FTO: variants seen among roughly 807,000 people sequenced by gnomAD.
FTO encodes alpha-ketoglutarate-dependent dioxygenase FTO.
In FTO, 47 loss-of-function variants were observed where a neutral mutation model predicts 63.9. The observed-to-expected ratio is 0.74, with a 90% CI of 0.58 to 0.94. The LOEUF (loss-of-function observed/expected upper bound fraction) is 0.94, where lower values mean the gene tolerates loss of function less well. Among genes scored for constraint, FTO ranks in the 40% least tolerant of loss-of-function variants. The pLI, the probability that FTO is intolerant of heterozygous loss-of-function variation, is 0.00. For synonymous variants in FTO, 207 were observed against 224.4 expected (o/e 0.92, Z 0.69); for missense variants, 562 against 618.1 (o/e 0.91, Z 0.96).
At chr16:53,856,367 T>G (rs1400525390) in intron 4 of FTO, among the ~76,000 whole-genome samples, 6 of 138,930 alleles carry the variant, frequency 4.3e-5, no homozygotes, top group South Asian at 2.3e-4. Flanking sequence ...TTTTTTTTTT[T>G]TGGGGGGGGA....
chr16:53,716,053 T>G (rs896501304), intron 1 of FTO, among the ~76,000 whole-genome samples: 1 of 152,206 alleles, frequency 6.6e-6, no homozygotes, highest in African/African-American at 2.4e-5. Flanking sequence ...CTACTGTGAA[T>G]GTGTACTTCT....
intron 1 of FTO, among the ~76,000 whole-genome samples, chr16:53,728,349 CT>C (rs1169335797): frequency 1.3e-5 from 2 of 152,160 alleles, no homozygotes; most frequent in Non-Finnish European, 2.9e-5. Context: ...CTGATTCTTG[CT>C]TATGACATCA....
intron 4 of FTO, among the ~76,000 whole-genome samples, chr16:53,857,777 G>C (rs2080050947): frequency 6.6e-6 from 1 of 152,094 alleles, no homozygotes; most frequent in Non-Finnish European, 1.5e-5. Context: ...TTATTTCTGT[G>C]CTCCATCCAG....
rs35760809 is a variant in FTO, at chr16:54,038,350, CAG to C, written c.1365-73405_1365-73404del. Among the ~76,000 whole-genome samples, 100 of 152,262 alleles carry C rather than the reference CAG, an allele frequency of 6.6e-4. 1 individual carries two copies. In the East Asian group the frequency reaches 0.012, roughly 19 times the overall value. On this transcript the variant is annotated intron_variant, in intron 8 of 8. Transcript: ENST00000471389. ...TTAGAGGTGGAACTTGGCTAAAGTA[CAG>C]AGAGAGGACTCTCAGTGAAGTTCCT...
At chr16:53,867,688 G>A (rs911050012) in intron 4 of FTO, among the ~76,000 whole-genome samples, 1 of 152,110 alleles carries the variant, frequency 6.6e-6, no homozygotes, top group African/African-American at 2.4e-5. Context: ...GAATGAAATA[G>A]TCTATGTATG....
intron 8 of FTO, among the ~76,000 whole-genome samples, chr16:54,036,347 C>T (rs770063447): frequency 1.8e-4 from 28 of 152,124 alleles, no homozygotes; most frequent in African/African-American, 6.0e-4. Context: ...GTGTTCATTA[C>T]GGCTGGATTG....
At chr16:53,915,133 T>C (rs1354382190) in intron 7 of FTO, among the ~76,000 whole-genome samples, 1 of 152,180 alleles carries the variant, frequency 6.6e-6, no homozygotes, top group Non-Finnish European at 1.5e-5. Context: ...ATGGGCAGAA[T>C]TTTGGGGGAC....
rs2086902858 is a variant in FTO, at chr16:54,112,018, A to T, written c.*103A>T. 4 of 1,268,478 alleles carry T rather than the reference A, an allele frequency of 3.2e-6. No homozygotes were observed. The East Asian group carries it at 9.3e-5, about 29-fold the overall frequency. The allele number at this position is 1,268,478 out of a possible 1,614,324, so 78.6% of individuals were successfully genotyped here. On this transcript the variant is annotated 3_prime_UTR_variant, in exon 9 of 9. Coordinates refer to ENST00000471389, the MANE Select transcript of FTO (RefSeq NM_001080432.3). The stretch of plus-strand genomic sequence containing the variant: ...GCAGTGGAGACTTCTCTTGGCCCCT[A>T]GATTGTAGCACCCGGGTCCCAATCC...
chr16:53,752,985 A>G (rs1035084403), intron 1 of FTO, among the ~76,000 whole-genome samples: 1 of 151,200 alleles, frequency 6.6e-6, no homozygotes, highest in Non-Finnish European at 1.5e-5. Flanking sequence ...TAGGGATAGG[A>G]ATAGGTGGCT....
intron 1 of FTO, among the ~76,000 whole-genome samples, chr16:53,779,458 T>C (rs2077535996): frequency 6.6e-6 from 1 of 152,204 alleles, no homozygotes; most frequent in East Asian, 1.9e-4. Flanking sequence ...CAGAAACTGT[T>C]TTAATTTAAC....
At chr16:53,897,691 T>C (rs1330697964) in intron 7 of FTO, among the ~76,000 whole-genome samples, 1 of 152,180 alleles carries the variant, frequency 6.6e-6, no homozygotes, top group Non-Finnish European at 1.5e-5. Context: ...AATACATTAA[T>C]ATGTTCTTGA....
Position 54,107,133 on chromosome 16 carries a change from A to G in FTO, c.1365-4629A>G, listed in dbSNP as rs541811422. On this transcript the variant is annotated intron_variant, in intron 8 of 8. Coordinates refer to ENST00000471389, the MANE Select transcript of FTO (RefSeq NM_001080432.3). Reference sequence around the variant, plus strand: ...GTATACATATAAAGCATATGTTTACAATATTTTATGTGTATATACATATTA... The same window carrying G: ...GTATACATATAAAGCATATGTTTACGATATTTTATGTGTATATACATATTA... Among the ~76,000 whole-genome samples, 14 of 150,446 alleles carry G rather than the reference A, an allele frequency of 9.3e-5. No individual in the cohort carries two copies. The East Asian group carries it at 2.7e-3, about 29-fold the overall frequency.
intron 8 of FTO, among the ~76,000 whole-genome samples, chr16:53,948,182 C>T (rs766172955): frequency 2.0e-5 from 3 of 152,154 alleles, no homozygotes; most frequent in Non-Finnish European, 4.4e-5. Flanking sequence ...GATCATTACA[C>T]TGCGGCTGTA....
intron 8 of FTO, among the ~76,000 whole-genome samples, chr16:54,028,735 AATTAT>A (rs1252796820): frequency 1.3e-5 from 2 of 152,086 alleles, no homozygotes; most frequent in Non-Finnish European, 2.9e-5. Context: ...CAGTATTTAA[AATTAT>A]ATTAAATTTT....
At chr16:53,707,970 A>G (rs968400249) in intron 1 of FTO, among the ~76,000 whole-genome samples, 1 of 152,190 alleles carries the variant, frequency 6.6e-6, no homozygotes. Flanking sequence ...GACTCATACA[A>G]TATGTGGTCT....
intron 7 of FTO, among the ~76,000 whole-genome samples, chr16:53,905,026 C>G (rs1292874147): frequency 6.6e-6 from 1 of 151,968 alleles, no homozygotes; most frequent in Admixed American, 6.6e-5. Context: ...AAGACAAGGA[C>G]GAAAAGAGAT....
intron 7 of FTO, among the ~76,000 whole-genome samples, chr16:53,904,002 GTTTA>G (rs928455650): frequency 1.9e-4 from 28 of 151,346 alleles, no homozygotes; most frequent in South Asian, 2.1e-4. Flanking sequence ...ATATAGATTA[GTTTA>G]TTTACATATA....
chr16:53,897,389 C>T (rs552821135), intron 7 of FTO, among the ~76,000 whole-genome samples: 2 of 152,204 alleles, frequency 1.3e-5, no homozygotes, highest in East Asian at 1.9e-4. Flanking sequence ...CTGGAGTCTT[C>T]GGGCACTATT....
At chr16:54,065,814 C>G (rs2085714554) in intron 8 of FTO, among the ~76,000 whole-genome samples, 2 of 152,224 alleles carry the variant, frequency 1.3e-5, no homozygotes, top group Non-Finnish European at 1.5e-5. Flanking sequence ...CCCATCAACA[C>G]TTGGTATTAC....
Sources: allele counts gnomAD v4.1 joint callset (sites outside exome capture counted in the v4.1 genomes callset), GRCh38; gene constraint gnomAD v4.1.1; transcripts MANE v1.5; gene names NCBI Gene and HGNC (gene_info 2026-07-23, HGNC 2026-07-21).